SYT10: variants seen among roughly 807,000 people sequenced by gnomAD.
SYT10 encodes synaptotagmin 10, also known as synaptotagmin-10.
Under a neutral mutation model 51.1 loss-of-function variants are expected in SYT10, and 31 were observed. The ratio of observed to expected loss-of-function variants is 0.61; its 90% CI spans 0.46 to 0.82. The LOEUF is 0.82. SYT10 is among the 40% of genes least tolerant of loss of function. The pLI, the probability that SYT10 is intolerant of heterozygous loss-of-function variation, is 0.00. For missense variants in SYT10, 603 were observed against 634.0 expected, an observed-to-expected ratio of 0.95 and a Z score of 0.53; for synonymous variants, 233 against 225.9, an observed-to-expected ratio of 1.03 and a Z score of -0.28.
At chr12:33,426,715 A>C (rs897685768) in intron 1 of SYT10, among the ~76,000 whole-genome samples, 5 of 152,216 alleles carry the variant, frequency 3.3e-5, no homozygotes, top group African/African-American at 9.6e-5. Context: ...TTCTAATTAT[A>C]TACAGGAAAA....
At chr12:33,412,074 C>T (rs958147549) in intron 2 of SYT10, among the ~76,000 whole-genome samples, 1 of 151,862 alleles carries the variant, frequency 6.6e-6, no homozygotes, top group Admixed American at 6.6e-5. Context: ...GGGAGCAAAA[C>T]CCCTAAGAAG....
chr12:33,379,225 A>G (rs1866092194), intron 6 of SYT10, among the ~76,000 whole-genome samples: 1 of 152,126 alleles, frequency 6.6e-6, no homozygotes, highest in African/African-American at 2.4e-5. Context: ...CATAGCAGAA[A>G]CACAGAGGGT....
chr12:33,378,885 T>C (rs1031350992), intron 6 of SYT10, among the ~76,000 whole-genome samples: 1 of 151,986 alleles, frequency 6.6e-6, no homozygotes, highest in African/African-American at 2.4e-5. Flanking sequence ...TGTCTGTCTT[T>C]TATGATTTAT....
chr12:33,401,825 G>A (rs1461573026), intron 3 of SYT10, among the ~76,000 whole-genome samples: 1 of 152,106 alleles, frequency 6.6e-6, no homozygotes, highest in Non-Finnish European at 1.5e-5. Context: ...AATTTGCTAT[G>A]TTAAATAACA....
chr12:33,408,636 G>T (rs1866379681), intron 2 of SYT10, among the ~76,000 whole-genome samples: 2 of 152,190 alleles, frequency 1.3e-5, no homozygotes, highest in East Asian at 1.9e-4. Flanking sequence ...TATAATTATT[G>T]TCTTGAATCT....
chr12:33,398,747 C>G (rs1591987096), intron 3 of SYT10, among the ~76,000 whole-genome samples: 1 of 152,176 alleles, frequency 6.6e-6, no homozygotes, highest in East Asian at 1.9e-4. Context: ...TAAAATATAT[C>G]CTATGGCATA....
chr12:33,377,773 G>A (rs1209610889), intron 6 of SYT10, among the ~76,000 whole-genome samples: 6 of 151,280 alleles, frequency 4.0e-5, no homozygotes, highest in Admixed American at 1.3e-4. Context: ...GATTACAGGC[G>A]CCTGCCACCA....
intron 4 of SYT10, among the ~76,000 whole-genome samples, chr12:33,384,026 T>C (rs1866137861): frequency 6.6e-6 from 1 of 152,158 alleles, no homozygotes; most frequent in East Asian, 1.9e-4. Context: ...AATTTACTTG[T>C]TCTACTTTCA....
intron 1 of SYT10, among the ~76,000 whole-genome samples, chr12:33,437,894 C>T (rs924736461): frequency 2.0e-5 from 3 of 152,070 alleles, no homozygotes; most frequent in African/African-American, 7.2e-5. Context: ...AATTTAACAC[C>T]TACTGAACGA....
chr12:33,412,731 G>C (rs2138420666), intron 2 of SYT10, among the ~76,000 whole-genome samples: 1 of 152,096 alleles, frequency 6.6e-6, no homozygotes, highest in African/African-American at 2.4e-5. Flanking sequence ...ACAAAGATGG[G>C]GAAAAAACAG....
chr12:33,423,973 G>T (rs766249135), intron 2 of SYT10: 1 of 455,896 alleles, frequency 2.2e-6, no homozygotes, highest in Non-Finnish European at 4.4e-6. Context: ...AATTGCAAGT[G>T]CTCAAAATTC....
At chr12:33,379,548 G>GAA (rs1866094672) in intron 6 of SYT10, among the ~76,000 whole-genome samples, 1 of 20,106 alleles carries the variant, frequency 5.0e-5, no homozygotes, top group Non-Finnish European at 8.4e-5. Context: ...TTCAGGCTAT[G>GAA]CAAAAAAAAA....
In SYT10 at chr12:33,382,390, C is replaced by T. The variant is rs746787133; in HGVS notation, c.1329G>A (p.Val443=). ...AIIFDIPPEN[V]DQVSLSIAVM... is the part of the protein sequence containing the mutation. The stretch of plus-strand genomic sequence containing the variant: ...CCGCAATGGAGAGGCTGACCTGGTC[C>T]ACGTTCTCTGGAGGGATGTCAAAAA... Residue 443 remains valine (V), a synonymous_variant, in exon 5 of 7, where the codon GTG becomes GTA. Transcript: ENST00000228567. 2 of 1,612,356 alleles carry T rather than the reference C, an allele frequency of 1.2e-6. No homozygotes were observed. The highest frequency in any genetic ancestry group is 2.2e-5 in the South Asian group (2 of 90,834).
At chr12:33,404,399 A>G (rs188910120) in intron 3 of SYT10, among the ~76,000 whole-genome samples, 1 of 150,700 alleles carries the variant, frequency 6.6e-6, no homozygotes, top group Admixed American at 6.6e-5. Flanking sequence ...TTTTATTTTT[A>G]TTTTTTTTTG....
chr12:33,374,594 A>T lies in SYT10; in HGVS notation c.*2236T>A, dbSNP rs1260606659. ...ATCTGAGCATAAACCTACCTCCTGA[A>T]TTACATGAAAGATGAGTTGTGGTGA... On this transcript the variant is annotated 3_prime_UTR_variant, in exon 7 of 7. Transcript: ENST00000228567. The T allele has an allele frequency of 6.6e-6, 1 of 151,956 alleles. No homozygotes were observed. The highest frequency in any genetic ancestry group is 2.4e-5 in the African/African-American group (1 of 41,438). The allele number at this position is 151,956 out of a possible 1,614,324, so 9.4% of individuals were successfully genotyped here.
intron 3 of SYT10, among the ~76,000 whole-genome samples, chr12:33,403,478 AC>A (rs1170035860): frequency 2.7e-5 from 4 of 150,686 alleles, no homozygotes; most frequent in African/African-American, 4.9e-5. Context: ...CAGGTGATCC[AC>A]CCCCCTCAGC....
At chr12:33,413,423 C>A (rs928233941) in intron 2 of SYT10, among the ~76,000 whole-genome samples, 1 of 152,172 alleles carries the variant, frequency 6.6e-6, no homozygotes, top group African/African-American at 2.4e-5. Context: ...ATGCTAAGGG[C>A]AGCCAGAGAG....
At chr12:33,391,232 G>C (rs1866203560) in intron 3 of SYT10, among the ~76,000 whole-genome samples, 1 of 116,844 alleles carries the variant, frequency 8.6e-6, no homozygotes, top group Non-Finnish European at 1.6e-5. Flanking sequence ...CCAACGCCTG[G>C]CTGCTTTTTA....
chr12:33,380,702 T>C (rs1297288861), intron 5 of SYT10, among the ~76,000 whole-genome samples: 1 of 152,178 alleles, frequency 6.6e-6, no homozygotes, highest in Admixed American at 6.5e-5. Flanking sequence ...ATTTTATGAA[T>C]AAACTAAATG....
Sources: gnomAD v4.1 joint callset for allele counts (sites outside exome capture counted in the v4.1 genomes callset) on GRCh38, gnomAD v4.1.1 for gene constraint, MANE v1.5 for transcripts, NCBI Gene and HGNC (gene_info 2026-07-23, HGNC 2026-07-21) for gene names.